TGFBR3: variants seen among roughly 807,000 people sequenced by gnomAD.
TGFBR3 encodes the protein transforming growth factor beta receptor type 3.
TGFBR3 carries 46 observed loss-of-function variants against 87.9 expected under a neutral mutation model. The observed-to-expected ratio is 0.52, with a 90% CI of 0.41 to 0.67. TGFBR3 has a LOEUF of 0.67. Among genes scored for constraint, TGFBR3 ranks in the 30% least tolerant of loss-of-function variants. The probability of loss-of-function intolerance (pLI) is 0.00; values close to 1 mark genes in which losing one functional copy is unlikely to be tolerated. For synonymous variants in TGFBR3, 381 were observed against 391.6 expected (o/e 0.97, Z 0.32); for missense variants, 866 against 1,041.9 (o/e 0.83, Z 2.32).
At chr1:91,712,587 C>T in intron 12 of TGFBR3, 45 bp from the exon 13 acceptor site, 1 of 1,595,824 alleles carries the variant, frequency 6.3e-7, no homozygotes, top group Non-Finnish European at 8.6e-7. Flanking sequence ...GTTAGCATCT[C>T]ACTTTCACTT....
chr1:91,893,921 C>G (rs1570344622), intron 2 of TGFBR3, among the ~76,000 whole-genome samples: 1 of 113,682 alleles, frequency 8.8e-6, no homozygotes, highest in African/African-American at 3.3e-5. Flanking sequence ...ATTAAAACTT[C>G]CTTAAAAAAA....
At position 91,811,350 on chromosome 1, in the gene TGFBR3, G is replaced by T. The variant is rs1676022381; in HGVS notation, c.62-13879C>A. Among the ~76,000 whole-genome samples, 3 of 152,162 alleles carry T rather than the reference G, an allele frequency of 2.0e-5. No homozygotes were observed. The South Asian group carries it at 6.2e-4, about 32-fold the overall frequency. On this transcript the variant is annotated intron_variant, in intron 2 of 16. Transcript: ENST00000212355. ...ATAATAATAATAATAGGAAACATCAGCTCTTGCAAGAAAATACTTTTCCAA... is the reference window on the plus strand; with the variant it reads ...ATAATAATAATAATAGGAAACATCATCTCTTGCAAGAAAATACTTTTCCAA...
At chr1:91,807,863 T>A (rs1675891650) in intron 2 of TGFBR3, among the ~76,000 whole-genome samples, 1 of 152,188 alleles carries the variant, frequency 6.6e-6, no homozygotes, top group Non-Finnish European at 1.5e-5. Context: ...CATTCCATGA[T>A]CTCTTATTCT....
At chr1:91,710,671 G>T (rs1250390780) in intron 13 of TGFBR3, among the ~76,000 whole-genome samples, 2 of 152,186 alleles carry the variant, frequency 1.3e-5, no homozygotes, top group African/African-American at 2.4e-5. Context: ...GCCTCTGCCA[G>T]ATAAAGGGCT....
chr1:91,705,041 G>T (rs1468575486), intron 14 of TGFBR3, among the ~76,000 whole-genome samples: 1 of 152,128 alleles, frequency 6.6e-6, no homozygotes, highest in African/African-American at 2.4e-5. Flanking sequence ...TTTTGGCATG[G>T]CCTTCAAAGA....
In TGFBR3 at chr1:91,712,454, T is replaced by TC; in HGVS notation, c.1954_1955insG (p.His652ArgfsTer6). 2 of 1,613,146 alleles carry TC rather than the reference T, an allele frequency of 1.2e-6. No homozygotes were observed. The highest frequency in any genetic ancestry group is 1.7e-6 in the Non-Finnish European group (2 of 1,179,058). ...ACAAATATTCTCAATAATGGTGTAA[T>TC]GAGACATCCTATCAGGGTTCGAATA... On this transcript the variant is annotated frameshift_variant, in exon 13 of 17. Coordinates refer to ENST00000212355, the MANE Select transcript of TGFBR3 (RefSeq NM_003243.5). LOFTEE classifies it high-confidence loss of function.
At position 91,719,329 on chromosome 1, in the gene TGFBR3, C is replaced by T; in HGVS notation, c.1549G>A (p.Val517Met). 6.2e-7 allele frequency: 1 copy of T among 1,614,088 alleles called. No individual in the cohort carries two copies. Among genetic ancestry groups the T allele is most frequent in the Non-Finnish European group, 8.5e-7 (1 of 1,180,002 alleles). ...ACACTCACGGAGTTATAGTAGACCA[C>T]ACCATCAAGGGCTGACCACCGGGGC... The part of the protein sequence containing the change: ...TRPRWSALDG[V>M]VYYNSIVIQV... The change falls in exon 10 of 17, where the codon GTG becomes ATG. Residue 517 changes from valine (V) to methionine (M), a missense_variant. Physicochemically the swap from Val to Met is conservative, Grantham distance 21 (BLOSUM62 1). Coordinates refer to ENST00000212355, the MANE Select transcript of TGFBR3 (RefSeq NM_003243.5).
intron 16 of TGFBR3, among the ~76,000 whole-genome samples, chr1:91,692,909 G>A (rs1671314052): frequency 2.0e-5 from 3 of 152,196 alleles, no homozygotes; most frequent in Non-Finnish European, 4.4e-5. Context: ...TCAAATTAAG[G>A]ATTGTTTTTC....
intron 16 of TGFBR3, among the ~76,000 whole-genome samples, chr1:91,690,594 C>T (rs1409777417): frequency 6.6e-6 from 1 of 152,084 alleles, no homozygotes; most frequent in Admixed American, 6.5e-5. Context: ...TCACTATTTG[C>T]ATTCGGGAAA....
rs778617818 is a variant in TGFBR3, at chr1:91,712,391, C to G, written c.2018G>C (p.Arg673Thr). 8.7e-6 allele frequency: 14 copies of G among 1,614,084 alleles called. No individual in the cohort carries two copies. The East Asian group carries it at 2.7e-4, about 31-fold the overall frequency. The change falls in exon 13 of 17, where the codon AGA becomes ACA. Residue 673 changes from arginine to threonine, a missense_variant. Arg to Thr is a moderately conservative substitution (Grantham distance 71, BLOSUM62 -1). Transcript: ENST00000212355. ...DESVKFYSPK[R>T]VHFPIPQADM... ...AGCTTGCGGGATAGGAAAGTGCACT[C>G]TCTTGGGACTGTAGAATTTCACAGA... is the stretch of plus-strand genomic sequence containing the variant.
intron 3 of TGFBR3, among the ~76,000 whole-genome samples, 174 bp from the exon 4 acceptor site, chr1:91,758,924 A>G (rs1673849564): frequency 6.6e-6 from 1 of 152,226 alleles, no homozygotes; most frequent in Non-Finnish European, 1.5e-5. Context: ...TATTGCCAAT[A>G]TTTGACCATT....
chr1:91,729,656 G>T, intron 6 of TGFBR3, 149 bp downstream of exon 6: 2 of 892,696 alleles, frequency 2.2e-6, no homozygotes, highest in Admixed American at 3.9e-5. Flanking sequence ...AGCATCAATG[G>T]CTACCTTCCC....
intron 12 of TGFBR3, among the ~76,000 whole-genome samples, chr1:91,713,219 T>C (rs1474688053): frequency 6.6e-6 from 1 of 152,214 alleles, no homozygotes; most frequent in Non-Finnish European, 1.5e-5. Flanking sequence ...AGGGGTAGTT[T>C]AGGGGAAATC....
rs140389785 is a variant in TGFBR3 at position 91,725,015 on chromosome 1, C to T, written c.885+2644G>A. 7.9e-3 allele frequency among the ~76,000 whole-genome samples: 1,205 copies of T among 152,188 alleles called. 15 individuals carry two copies. Among genetic ancestry groups the T allele is most frequent in the Admixed American group, 0.024 (366 of 15,278 alleles). On this transcript the variant is annotated intron_variant, in intron 7 of 16. Coordinates refer to ENST00000212355, the MANE Select transcript of TGFBR3 (RefSeq NM_003243.5). ...CCACATGAAATAATATAAGAGGAAA[C>T]CTCTAACAGGTTTCCTCCATCTATT...
chr1:91,777,876 C>G (rs1368127899), intron 3 of TGFBR3, among the ~76,000 whole-genome samples: 1 of 152,200 alleles, frequency 6.6e-6, no homozygotes, highest in African/African-American at 2.4e-5. Flanking sequence ...GCAGCTGCAG[C>G]TGACTGTCCA....
At chr1:91,827,354 G>T (rs1267638864) in intron 2 of TGFBR3, among the ~76,000 whole-genome samples, 1 of 152,176 alleles carries the variant, frequency 6.6e-6, no homozygotes, top group East Asian at 1.9e-4. Flanking sequence ...CATAAAAGGG[G>T]TCCATTATCA....
At chr1:91,852,388 A>ATGTG (rs910670235) in intron 2 of TGFBR3, among the ~76,000 whole-genome samples, 1 of 152,104 alleles carries the variant, frequency 6.6e-6, no homozygotes, top group Non-Finnish European at 1.5e-5. Flanking sequence ...GTGTGTGTGT[A>ATGTG]TGTGTGTGTG....
At chr1:91,902,201 C>G (rs1679735128) in intron 1 of TGFBR3, among the ~76,000 whole-genome samples, 1 of 151,944 alleles carries the variant, frequency 6.6e-6, no homozygotes, top group Non-Finnish European at 1.5e-5. Context: ...TTCCAAATCC[C>G]TACTTCTTTT....
intron 3 of TGFBR3, among the ~76,000 whole-genome samples, chr1:91,793,830 T>C (rs1206653395): frequency 7.5e-6 from 1 of 133,512 alleles, no homozygotes. Context: ...AAAAAAAAAA[T>C]TGGTAGAGAC....
Sources: allele counts gnomAD v4.1 joint callset (sites outside exome capture counted in the v4.1 genomes callset), GRCh38; gene constraint gnomAD v4.1.1; transcripts MANE v1.5; gene names NCBI Gene and HGNC (gene_info 2026-07-23, HGNC 2026-07-21).